Variants in CWC27 observed in about 807,000 individuals in gnomAD.
CWC27 encodes the protein CWC27 spliceosome associated cyclophilin.
CWC27 carries 47 observed loss-of-function variants against 63.6 expected under a neutral mutation model. That is an observed-to-expected ratio of 0.74 (90% CI 0.58 to 0.94). CWC27 has a LOEUF of 0.94. CWC27 is among the 40% of genes least tolerant of loss of function. The pLI, the probability that CWC27 is intolerant of heterozygous loss-of-function variation, is 0.00. For synonymous variants in CWC27, 175 were observed against 179.8 expected (o/e 0.97, Z 0.22); for missense variants, 495 against 554.3 (o/e 0.89, Z 1.07).
chr5:64,973,447 A>G lies in CWC27; in HGVS notation c.1152+1635A>G, dbSNP rs759738923. 5.3e-5 allele frequency among the ~76,000 whole-genome samples: 8 copies of G among 152,342 alleles called. No individual in the cohort carries two copies. In the East Asian group the frequency reaches 9.6e-4, roughly 18 times the overall value. Reference sequence around the variant, plus strand: ...ATTGGGCTCCTTCAGCATAGCTTCTACATTCTGGGAAGGCTCTCGCTGTGC... The same window carrying G: ...ATTGGGCTCCTTCAGCATAGCTTCTGCATTCTGGGAAGGCTCTCGCTGTGC... On this transcript the variant is annotated intron_variant, in intron 12 of 13. Transcript: ENST00000381070.
chr5:64,834,059 T>C (rs983919042), intron 10 of CWC27, among the ~76,000 whole-genome samples: 1 of 150,166 alleles, frequency 6.7e-6, no homozygotes, highest in South Asian at 2.1e-4. Flanking sequence ...AATTGTTTTA[T>C]GGAAGCAATC....
At chr5:64,802,508 G>A (rs942744075) in intron 9 of CWC27, among the ~76,000 whole-genome samples, 3 of 152,294 alleles carry the variant, frequency 2.0e-5, no homozygotes, top group South Asian at 2.1e-4. Context: ...CACTATTGGC[G>A]ATATTATAGA....
In CWC27 at chr5:64,932,833, T is replaced by G. The variant is rs144299349; in HGVS notation, c.1043-38870T>G. On this transcript the variant is annotated intron_variant, in intron 11 of 13. Coordinates refer to ENST00000381070, the MANE Select transcript of CWC27 (RefSeq NM_005869.4). ...CTAGTTCCAGGTTTGTATCACATCCTTTTTTGACAGTATAATAAAAAACCT... is the reference window on the plus strand; with the variant it reads ...CTAGTTCCAGGTTTGTATCACATCCGTTTTTGACAGTATAATAAAAAACCT... 5.2e-3 allele frequency among the ~76,000 whole-genome samples: 797 copies of G among 152,330 alleles called. 6 individuals carry two copies. The highest frequency in any genetic ancestry group is 0.018 in the African/African-American group (756 of 41,586).
chr5:64,960,743 G>T (rs910020770), intron 11 of CWC27, among the ~76,000 whole-genome samples: 7 of 151,876 alleles, frequency 4.6e-5, no homozygotes, highest in Non-Finnish European at 7.4e-5. Context: ...TTATAAGCAG[G>T]CTTATTAACA....
chr5:64,868,816 G>A lies in CWC27; in HGVS notation c.939-16627G>A, dbSNP rs547001379. Among the ~76,000 whole-genome samples the A allele has an allele frequency of 7.2e-5, 11 of 151,902 alleles. No homozygotes were observed. The East Asian group carries it at 9.6e-4, about 13-fold the overall frequency. ...TGTATTTTTTGTAGTTCTAGTTGTC[G>A]TATAGCATGTTTCACGTAAGCTGAA... is the stretch of plus-strand genomic sequence containing the variant. On this transcript the variant is annotated intron_variant, in intron 10 of 13. Coordinates refer to ENST00000381070, the MANE Select transcript of CWC27 (RefSeq NM_005869.4).
intron 10 of CWC27, among the ~76,000 whole-genome samples, chr5:64,832,413 C>CT (rs748529556): frequency 1.1e-3 from 164 of 149,214 alleles, no homozygotes; most frequent in African/African-American, 2.8e-3. Context: ...AATAGTTTGT[C>CT]TTTTTTTTTT....
chr5:64,819,748 T>C (rs749911162), intron 10 of CWC27, among the ~76,000 whole-genome samples: 1 of 152,168 alleles, frequency 6.6e-6, no homozygotes, highest in Non-Finnish European at 1.5e-5. Context: ...AATGGACTAA[T>C]ACGGGGACAA....
At position 65,004,378 on chromosome 5, in the gene CWC27, C is replaced by CTTTTTTTTTTTTTTT. The variant is rs70983659; in HGVS notation, c.1257-13775_1257-13761dup. On this transcript the variant is annotated intron_variant, in intron 13 of 13. Transcript: ENST00000381070. ...CATGGTGTCCCATATGTTGTATAGG[C>CTTTTTTTTTTTTTTT]TTTTTTTTTTTTTTTTTTTTGGTGG... 3.8e-5 allele frequency among the ~76,000 whole-genome samples: 3 copies of CTTTTTTTTTTTTTTT among 79,536 alleles called. 1 individual carries two copies. Among genetic ancestry groups the CTTTTTTTTTTTTTTT allele is most frequent in the Non-Finnish European group, 7.0e-5 (3 of 42,726 alleles). 52.2% of individuals were successfully genotyped at this position (79,536 alleles called of 152,430 possible).
In CWC27 at chr5:64,919,574, T is replaced by C. The variant is rs147217569; in HGVS notation, c.1042+34028T>C. Among the ~76,000 whole-genome samples, 1,413 of 152,316 alleles carry C rather than the reference T, an allele frequency of 9.3e-3. 17 individuals carry two copies. The highest frequency in any genetic ancestry group is 0.033 in the African/African-American group (1,356 of 41,564). ...TCTTTGTGGCCATGTGTATTCAGTG[T>C]CTATCTTCCACTTATAAGTGGGAAC... On this transcript the variant is annotated intron_variant, in intron 11 of 13. Transcript: ENST00000381070.
At chr5:64,857,933 C>G (rs1418878949) in intron 10 of CWC27, among the ~76,000 whole-genome samples, 2 of 149,070 alleles carry the variant, frequency 1.3e-5, no homozygotes, top group East Asian at 4.0e-4. Flanking sequence ...GTCAGGAGAT[C>G]GAGACCATCC....
chr5:64,945,003 T>C (rs960429595), intron 11 of CWC27, among the ~76,000 whole-genome samples: 2 of 152,188 alleles, frequency 1.3e-5, no homozygotes, highest in Non-Finnish European at 2.9e-5. Context: ...TCATTCATGC[T>C]GTTCTAGGCA....
chr5:64,988,793 G>A (rs893337418), intron 13 of CWC27, among the ~76,000 whole-genome samples: 1 of 151,956 alleles, frequency 6.6e-6, no homozygotes, highest in African/African-American at 2.4e-5. Flanking sequence ...TAGTAGAGAC[G>A]GGGTTTCTCC....
chr5:64,772,795 G>A (rs945529613), intron 1 of CWC27, among the ~76,000 whole-genome samples: 5 of 151,756 alleles, frequency 3.3e-5, no homozygotes, highest in African/African-American at 7.3e-5. Flanking sequence ...AAATTAGCTG[G>A]GTGTGGCGGT....
chr5:64,774,551 A>T, intron 1 of CWC27, 140 bp from the exon 2 acceptor site: 3 of 471,388 alleles, frequency 6.4e-6, no homozygotes, highest in Non-Finnish European at 1.1e-5. Flanking sequence ...TTTGTTGAGT[A>T]TATCAACAAA....
chr5:64,933,051 T>A lies in CWC27; in HGVS notation c.1043-38652T>A, dbSNP rs79164000. ...TCTCCATAATCTTGCTTTCAAGTTG[T>A]TGACCATCTTATCCTCTATTACTGC... On this transcript the variant is annotated intron_variant, in intron 11 of 13. Coordinates refer to ENST00000381070, the MANE Select transcript of CWC27 (RefSeq NM_005869.4). Among the ~76,000 whole-genome samples the A allele has an allele frequency of 9.3e-3, 1,419 of 152,300 alleles. 28 individuals are homozygous for A. Among genetic ancestry groups the A allele is most frequent in the African/African-American group, 0.033 (1,370 of 41,566 alleles).
At chr5:64,983,354 A>T (rs1420424307) in intron 13 of CWC27, among the ~76,000 whole-genome samples, 2 of 152,154 alleles carry the variant, frequency 1.3e-5, no homozygotes, top group Admixed American at 1.3e-4. Flanking sequence ...CTCACACTTC[A>T]TGTATTCTCT....
intron 11 of CWC27, among the ~76,000 whole-genome samples, chr5:64,887,995 T>C (rs1747117901): frequency 6.6e-6 from 1 of 152,084 alleles, no homozygotes; most frequent in Non-Finnish European, 1.5e-5. Flanking sequence ...CTAACAATAT[T>C]AGAATCAAAA....
chr5:64,880,630 T>A (rs1346877513), intron 10 of CWC27, among the ~76,000 whole-genome samples: 1 of 152,004 alleles, frequency 6.6e-6, no homozygotes, highest in Non-Finnish European at 1.5e-5. Context: ...ATAAAGCTAC[T>A]GTAATTTCTA....
At chr5:64,896,720 A>G (rs180971878) in intron 11 of CWC27, among the ~76,000 whole-genome samples, 8 of 152,188 alleles carry the variant, frequency 5.3e-5, no homozygotes, top group Non-Finnish European at 1.0e-4. Context: ...GGAAAGAAAA[A>G]TAAACATGGA....
Sources: allele counts gnomAD v4.1 joint callset (sites outside exome capture counted in the v4.1 genomes callset), GRCh38; gene constraint gnomAD v4.1.1; transcripts MANE v1.5; gene names NCBI Gene and HGNC (gene_info 2026-07-23, HGNC 2026-07-21).